GMDS: variants seen among roughly 807,000 people sequenced by gnomAD.
The protein encoded by GMDS is GDP-mannose 4,6 dehydratase.
A neutral mutation model predicts 49.9 loss-of-function variants in GMDS; 20 were observed. The observed-to-expected ratio is 0.40, with a 90% CI of 0.28 to 0.58. The LOEUF (loss-of-function observed/expected upper bound fraction) is 0.58, where lower values mean the gene tolerates loss of function less well. Ranked by LOEUF, GMDS falls within the 20% of genes least tolerant of loss-of-function variation. GMDS has a pLI of 0.42. For synonymous variants in GMDS, 177 were observed against 178.6 expected, an observed-to-expected ratio of 0.99 and a Z score of 0.07; for missense variants, 362 against 481.4, an observed-to-expected ratio of 0.75 and a Z score of 2.32.
At chr6:1,936,067 T>C (rs866183612) in intron 6 of GMDS, among the ~76,000 whole-genome samples, 17 of 152,158 alleles carry the variant, frequency 1.1e-4, no homozygotes, top group African/African-American at 3.9e-4. Flanking sequence ...AAGGACAAAA[T>C]TTTCAGGGTA....
intron 7 of GMDS, among the ~76,000 whole-genome samples, chr6:1,839,206 C>G (rs149519889): frequency 6.6e-5 from 10 of 152,180 alleles, no homozygotes; most frequent in African/African-American, 2.4e-4. Context: ...TCCGCAACAG[C>G]CAGAGGGCAT....
chr6:1,785,171 T>C (rs1769266636), intron 7 of GMDS, among the ~76,000 whole-genome samples: 1 of 152,216 alleles, frequency 6.6e-6, no homozygotes, highest in African/African-American at 2.4e-5. Context: ...AACAGGGTTA[T>C]GTATATAATT....
intron 9 of GMDS, among the ~76,000 whole-genome samples, chr6:1,722,817 G>A (rs1207558294): frequency 2.0e-5 from 3 of 152,196 alleles, no homozygotes; most frequent in Admixed American, 1.3e-4. Context: ...GTGTATGCAT[G>A]TACAGAAAAT....
Position 2,108,839 on chromosome 6 carries a change from G to A in GMDS, c.345+6932C>T, listed in dbSNP as rs375709387. On this transcript the variant is annotated intron_variant, in intron 4 of 10. Coordinates refer to ENST00000380815, the MANE Select transcript of GMDS (RefSeq NM_001500.4). ...GCGTGTGGCTGCTTATGAACCGCACGTCCAGGTGGGCACCTGTGAAATAAG... is the reference window on the plus strand; with the variant it reads ...GCGTGTGGCTGCTTATGAACCGCACATCCAGGTGGGCACCTGTGAAATAAG... Among the ~76,000 whole-genome samples, 55 of 152,276 alleles carry A rather than the reference G, an allele frequency of 3.6e-4. 1 individual carries two copies. In the South Asian group the frequency reaches 9.7e-3, roughly 27 times the overall value.
intron 9 of GMDS, among the ~76,000 whole-genome samples, chr6:1,630,562 C>T (rs2113150842): frequency 6.6e-6 from 1 of 152,352 alleles, no homozygotes; most frequent in East Asian, 1.9e-4. Flanking sequence ...CAGAGGAAAG[C>T]ACTTCTCAGA....
intron 7 of GMDS, among the ~76,000 whole-genome samples, chr6:1,784,492 G>A (rs748846405): frequency 7.9e-5 from 12 of 151,998 alleles, no homozygotes; most frequent in Non-Finnish European, 1.3e-4. Flanking sequence ...TACCCGGGGC[G>A]GGAAGGAGAG....
At chr6:2,101,436 T>C (rs1300084615) in intron 4 of GMDS, among the ~76,000 whole-genome samples, 1 of 152,044 alleles carries the variant, frequency 6.6e-6, no homozygotes, top group African/African-American at 2.4e-5. Context: ...AACTGCTTTA[T>C]GGATTAGTCT....
rs1763699805 is a variant in GMDS, at chr6:1,652,464, ATATATTATATATATTATAT to A, written c.988-27943_988-27925del. 4.9e-4 allele frequency among the ~76,000 whole-genome samples: 4 copies of A among 8,086 alleles called. 1 individual carries two copies. Among genetic ancestry groups the A allele is most frequent in the African/African-American group, 1.8e-3 (4 of 2,202 alleles). The allele number at this position is 8,086 out of a possible 152,430, so 5.3% of individuals were successfully genotyped here. On this transcript the variant is annotated intron_variant, in intron 9 of 10. Coordinates refer to ENST00000380815, the MANE Select transcript of GMDS (RefSeq NM_001500.4). ...TATATTTATATATTATTTATATATA[ATATATTATATATATTATAT>A]ATAATATATATTATTTATATAATAT... is the stretch of plus-strand genomic sequence containing the variant.
intron 1 of GMDS, among the ~76,000 whole-genome samples, chr6:2,231,754 T>C (rs1297783902): frequency 6.6e-6 from 1 of 152,186 alleles, no homozygotes; most frequent in Non-Finnish European, 1.5e-5. Context: ...GTTTCCAACA[T>C]TCAGTTCCAC....
At position 2,235,809 on chromosome 6, in the gene GMDS, T is replaced by TA. The variant is rs574415869; in HGVS notation, c.102+9511dup. Among the ~76,000 whole-genome samples, 380 of 79,476 alleles carry TA rather than the reference T, an allele frequency of 4.8e-3. 3 individuals are homozygous for TA. Among genetic ancestry groups the TA allele is most frequent in the Middle Eastern group, 0.031 (4 of 130 alleles). 52.1% of individuals were successfully genotyped at this position (79,476 alleles called of 152,430 possible). The stretch of plus-strand genomic sequence containing the variant: ...CCTGAGCAAGACCCTTTCTGGAAAA[T>TA]AAAAAAAAATAAAAAAAATAAGAAA... On this transcript the variant is annotated intron_variant, in intron 1 of 10. Transcript: ENST00000380815.
intron 1 of GMDS, among the ~76,000 whole-genome samples, chr6:2,197,790 A>G (rs1003646292): frequency 1.2e-4 from 19 of 152,184 alleles, no homozygotes; most frequent in African/African-American, 4.6e-4. Context: ...ACAAGTAGGG[A>G]TGGCAAAGGA....
intron 4 of GMDS, among the ~76,000 whole-genome samples, chr6:2,085,451 C>T (rs1390314898): frequency 6.6e-6 from 1 of 152,156 alleles, no homozygotes; most frequent in Non-Finnish European, 1.5e-5. Flanking sequence ...GTGCACCTTA[C>T]CTTACACATT....
chr6:1,680,823 GCCCAGAGC>G (rs1764762947), intron 9 of GMDS, among the ~76,000 whole-genome samples: 1 of 152,184 alleles, frequency 6.6e-6, no homozygotes. Flanking sequence ...CCTGGTGGAT[GCCCAGAGC>G]CCTTGCCATT....
chr6:1,808,725 A>T (rs1770282507), intron 7 of GMDS, among the ~76,000 whole-genome samples: 1 of 152,248 alleles, frequency 6.6e-6, no homozygotes, highest in Admixed American at 6.5e-5. Flanking sequence ...AGATCAACTT[A>T]TCTTGAGAAT....
chr6:1,868,476 T>A (rs1380453751), intron 7 of GMDS, among the ~76,000 whole-genome samples: 1 of 152,174 alleles, frequency 6.6e-6, no homozygotes, highest in African/African-American at 2.4e-5. Context: ...AGACCCTTCA[T>A]CACAAGACTG....
At chr6:2,041,595 C>T (rs1296623324) in intron 4 of GMDS, among the ~76,000 whole-genome samples, 2 of 152,110 alleles carry the variant, frequency 1.3e-5, no homozygotes, top group East Asian at 1.9e-4. Flanking sequence ...TGATCCTCAC[C>T]CTCCCATCCT....
At chr6:1,992,472 T>C (rs1351320259) in intron 4 of GMDS, among the ~76,000 whole-genome samples, 1 of 152,184 alleles carries the variant, frequency 6.6e-6, no homozygotes, top group Non-Finnish European at 1.5e-5. Context: ...GTCCAGGCTG[T>C]TCCTCAACAC....
At chr6:1,817,217 T>C (rs946899380) in intron 7 of GMDS, among the ~76,000 whole-genome samples, 30 of 152,058 alleles carry the variant, frequency 2.0e-4, no homozygotes, top group African/African-American at 6.8e-4. Context: ...GCATTTTCTT[T>C]TAACTTGGCA....
chr6:1,960,213 T>G (rs1271521050), intron 5 of GMDS, among the ~76,000 whole-genome samples: 5 of 152,242 alleles, frequency 3.3e-5, no homozygotes, highest in Non-Finnish European at 7.3e-5. Context: ...TCGAATTGAT[T>G]GAATCTTTCT....
Sources: allele counts gnomAD v4.1 joint callset (sites outside exome capture counted in the v4.1 genomes callset), GRCh38; gene constraint gnomAD v4.1.1; transcripts MANE v1.5; gene names NCBI Gene and HGNC (gene_info 2026-07-23, HGNC 2026-07-21).